Variants in XPO4 observed in about 807,000 individuals in gnomAD.
XPO4 encodes exportin-4.
XPO4 carries 39 observed loss-of-function variants against 143.0 expected under a neutral mutation model. That is an observed-to-expected ratio of 0.27 (90% CI 0.21 to 0.36). The LOEUF (loss-of-function observed/expected upper bound fraction) is 0.36, where lower values mean the gene tolerates loss of function less well. XPO4 is among the 10% of genes least tolerant of loss of function. The probability of loss-of-function intolerance (pLI) is 1.00; values close to 1 mark genes in which losing one functional copy is unlikely to be tolerated. For missense variants in XPO4, 907 were observed against 1,348.0 expected, an observed-to-expected ratio of 0.67 and a Z score of 5.12; for synonymous variants, 439 against 474.0, an observed-to-expected ratio of 0.93 and a Z score of 0.96.
chr13:20,865,402 G>C (rs77856726), intron 2 of XPO4: 1 of 937,698 alleles, frequency 1.1e-6, no homozygotes, highest in Admixed American at 6.2e-5. Context: ...CTCCCAAAGT[G>C]CTGGGATTAC....
chr13:20,890,080 A>G (rs1419502984), intron 1 of XPO4, among the ~76,000 whole-genome samples: 4 of 152,216 alleles, frequency 2.6e-5, no homozygotes, highest in African/African-American at 9.6e-5. Context: ...AATATCTAAA[A>G]TCAGTATTGC....
At chr13:20,859,201 G>A (rs2060173195) in intron 3 of XPO4, among the ~76,000 whole-genome samples, 1 of 151,816 alleles carries the variant, frequency 6.6e-6, no homozygotes, top group Non-Finnish European at 1.5e-5. Context: ...GGGCACGGTG[G>A]CTCACACCTG....
chr13:20,849,462 A>C, intron 4 of XPO4: 1 of 984,112 alleles, frequency 1.0e-6, no homozygotes, highest in African/African-American at 1.7e-5. Flanking sequence ...GTTTAAATAC[A>C]GATTAAAATT....
chr13:20,886,136 A>C (rs1566626915), intron 1 of XPO4, among the ~76,000 whole-genome samples: 1 of 152,224 alleles, frequency 6.6e-6, no homozygotes, highest in Non-Finnish European at 1.5e-5. Flanking sequence ...TTTCAAACAC[A>C]TACTGAACAA....
chr13:20,808,312 A>G (rs2137886208), intron 12 of XPO4, 124 bp downstream of exon 12: 1 of 1,042,676 alleles, frequency 9.6e-7, no homozygotes, highest in Non-Finnish European at 1.3e-6. Flanking sequence ...TATGACAGAA[A>G]ATGGCTGTAT....
chr13:20,784,769 C>T (rs2059180166), intron 22 of XPO4, among the ~76,000 whole-genome samples: 1 of 152,086 alleles, frequency 6.6e-6, no homozygotes. Context: ...ACAGTGAGAT[C>T]CCACCTCTAC....
In XPO4 at chr13:20,871,466, C is replaced by A. The variant is rs199856326; in HGVS notation, c.70-2765G>T. Among the ~76,000 whole-genome samples, 48 of 152,310 alleles carry A rather than the reference C, an allele frequency of 3.2e-4. No homozygotes were observed. In the East Asian group the frequency reaches 4.4e-3, roughly 14 times the overall value. On this transcript the variant is annotated intron_variant, in intron 1 of 22. Coordinates refer to ENST00000255305, the MANE Select transcript of XPO4 (RefSeq NM_022459.5). ...TCTTCCGTAACTGGGACTACAGGGG[C>A]ATGCCACCACACAGGGCTAATTTTA...
At chr13:20,789,339 A>T (rs1017150992) in intron 19 of XPO4, among the ~76,000 whole-genome samples, 1 of 152,100 alleles carries the variant, frequency 6.6e-6, no homozygotes, top group African/African-American at 2.4e-5. Flanking sequence ...GCTGGCAATC[A>T]AACAGGACTC....
chr13:20,806,982 T>C (rs1313048186), intron 13 of XPO4, among the ~76,000 whole-genome samples: 4 of 152,184 alleles, frequency 2.6e-5, no homozygotes, highest in Non-Finnish European at 2.9e-5. Context: ...ATAACAGGGC[T>C]CTTAAGTTTC....
At chr13:20,789,006 G>A (rs555077694) in intron 19 of XPO4, among the ~76,000 whole-genome samples, 17 of 152,138 alleles carry the variant, frequency 1.1e-4, no homozygotes, top group Non-Finnish European at 2.5e-4. Flanking sequence ...ATTCAAGAAG[G>A]TTAATACAAA....
chr13:20,810,588 A>G (rs2059569343), intron 9 of XPO4, among the ~76,000 whole-genome samples: 1 of 152,238 alleles, frequency 6.6e-6, no homozygotes, highest in African/African-American at 2.4e-5. Context: ...TTGGTTCTCC[A>G]TCTTTTTGGT....
intron 18 of XPO4, 107 bp from the exon 19 acceptor site, chr13:20,790,687 C>G (rs925051550): frequency 5.7e-5 from 48 of 835,048 alleles, no homozygotes; most frequent in Non-Finnish European, 8.5e-5. Context: ...CTAAATAAAT[C>G]AATGAGTGAA....
chr13:20,866,304 A>G (rs552029580), intron 2 of XPO4: 2 of 984,994 alleles, frequency 2.0e-6, no homozygotes, highest in Non-Finnish European at 1.2e-6. Context: ...AAGGATAAGA[A>G]GAGAAAGAAA....
intron 1 of XPO4, among the ~76,000 whole-genome samples, chr13:20,900,825 T>C (rs1008903245): frequency 1.3e-5 from 2 of 152,152 alleles, no homozygotes; most frequent in Non-Finnish European, 2.9e-5. Context: ...TTGGCCAGCC[T>C]GGTCTTGGGC....
chr13:20,835,876 A>T (rs1566595941), intron 6 of XPO4, among the ~76,000 whole-genome samples: 1 of 152,122 alleles, frequency 6.6e-6, no homozygotes, highest in African/African-American at 2.4e-5. Flanking sequence ...CTACTCAACT[A>T]GAAGACGAAG....
intron 1 of XPO4, among the ~76,000 whole-genome samples, chr13:20,895,575 T>C (rs904171649): frequency 6.6e-6 from 1 of 150,926 alleles, no homozygotes; most frequent in Non-Finnish European, 1.5e-5. Context: ...GAAGTTGCAG[T>C]GAGCCGAGAT....
intron 3 of XPO4, among the ~76,000 whole-genome samples, chr13:20,859,133 A>C (rs1213854107): frequency 6.7e-6 from 1 of 150,238 alleles, no homozygotes; most frequent in Non-Finnish European, 1.5e-5. Flanking sequence ...GGAGTTAGAG[A>C]CCAGCCTGGG....
intron 3 of XPO4, among the ~76,000 whole-genome samples, chr13:20,855,972 A>G (rs1345868694): frequency 6.6e-6 from 1 of 152,194 alleles, no homozygotes; most frequent in African/African-American, 2.4e-5. Context: ...CCTGGGCAAG[A>G]CAGTTAGCAT....
At chr13:20,843,133 C>CCTTAAAAT in intron 5 of XPO4, 85 bp from the exon 6 acceptor site, 4 of 1,318,780 alleles carry the variant, frequency 3.0e-6, no homozygotes, top group Non-Finnish European at 3.1e-6. Flanking sequence ...AAAACAAACA[C>CCTTAAAAT]CTTAAAATTT....
Sources: allele counts gnomAD v4.1 joint callset (sites outside exome capture counted in the v4.1 genomes callset), GRCh38; gene constraint gnomAD v4.1.1; transcripts MANE v1.5; gene names NCBI Gene and HGNC (gene_info 2026-07-23, HGNC 2026-07-21).